Variants in TJP1 observed in about 807,000 individuals in gnomAD.
The protein encoded by TJP1 is tight junction protein 1, also known as tight junction protein ZO-1.
A neutral mutation model predicts 194.2 loss-of-function variants in TJP1; 43 were observed. The observed-to-expected ratio is 0.22, with a 90% confidence interval of 0.17 to 0.29. The LOEUF (loss-of-function observed/expected upper bound fraction) is 0.29. TJP1 is among the 10% of genes least tolerant of loss of function. The pLI, the probability that TJP1 is intolerant of heterozygous loss-of-function variation, is 1.00. For synonymous variants in TJP1, 801 were observed against 779.0 expected (o/e 1.03, Z -0.47); for missense variants, 1,971 against 2,185.7 (o/e 0.90, Z 1.96).
intron 1 of TJP1, chr15:29,820,669 T>C: frequency 1.5e-6 from 1 of 652,818 alleles, no homozygotes; most frequent in Non-Finnish European, 2.8e-6. Context: ...AACAAAGCCT[T>C]TCCTCCTAGG....
chr15:29,933,907 C>T (rs1412338292), intron 2 of TJP1, among the ~76,000 whole-genome samples: 1 of 152,076 alleles, frequency 6.6e-6, no homozygotes, highest in African/African-American at 2.4e-5. Context: ...CTGAAGAGGA[C>T]AGGAGAAACC....
chr15:29,725,528 C>T lies in TJP1; in HGVS notation c.2412+851G>A, dbSNP rs540606877. 1.9e-4 allele frequency among the ~76,000 whole-genome samples: 29 copies of T among 152,124 alleles called. No individual in the cohort carries two copies. The South Asian group carries it at 5.8e-3, about 31-fold the overall frequency. On this transcript the variant is annotated intron_variant, in intron 18 of 27. Transcript: ENST00000614355. ...AAAACCAGAGATACTCTCAATCTTCCCTAATAACCAAAACTTACTGCACTG... is the reference window on the plus strand; with the variant it reads ...AAAACCAGAGATACTCTCAATCTTCTCTAATAACCAAAACTTACTGCACTG...
At chr15:29,949,604 T>TTCACCACCA (rs2055523419) in intron 2 of TJP1, among the ~76,000 whole-genome samples, 1 of 29,696 alleles carries the variant, frequency 3.4e-5, no homozygotes, top group Non-Finnish European at 7.1e-5. Flanking sequence ...AACCACCACC[T>TTCACCACCA]CCACCTTCAC....
intron 1 of TJP1, among the ~76,000 whole-genome samples, chr15:29,963,887 T>G (rs1295399872): frequency 6.6e-6 from 1 of 152,128 alleles, no homozygotes; most frequent in East Asian, 1.9e-4. Context: ...CTCTTGACCT[T>G]GTAATCTGCC....
intron 8 of TJP1, among the ~76,000 whole-genome samples, chr15:29,747,706 A>G (rs1370503219): frequency 1.3e-5 from 2 of 152,208 alleles, no homozygotes; most frequent in East Asian, 1.9e-4. Flanking sequence ...AATGTGATTA[A>G]CAGACATTAC....
At chr15:29,764,666 T>C (rs1016972954) in intron 5 of TJP1, among the ~76,000 whole-genome samples, 1 of 152,182 alleles carries the variant, frequency 6.6e-6, no homozygotes, top group East Asian at 1.9e-4. Flanking sequence ...GTAACTACCA[T>C]GTCATCTGGG....
At chr15:29,705,403 C>G (rs933879866) in intron 26 of TJP1, 125 bp downstream of exon 26, 5 of 1,027,944 alleles carry the variant, frequency 4.9e-6, no homozygotes, top group African/African-American at 1.6e-5. Context: ...CAGGGCACCC[C>G]TCGCTACAGC....
rs551416494 is a variant in TJP1, at chr15:29,786,828, A to G, written c.85-13471T>C. On this transcript the variant is annotated intron_variant, in intron 2 of 27. Transcript: ENST00000614355. The stretch of plus-strand genomic sequence containing the variant: ...ATTTAAAAACTGTAAATTAAACGTG[A>G]CATATAAATGGAAAGAGCACTGTAT... 3.9e-5 allele frequency among the ~76,000 whole-genome samples: 6 copies of G among 152,284 alleles called. No homozygotes were observed. In the South Asian group the frequency reaches 1.0e-3, roughly 26 times the overall value.
At chr15:29,902,262 T>G (rs1211324409) in intron 2 of TJP1, among the ~76,000 whole-genome samples, 1 of 152,080 alleles carries the variant, frequency 6.6e-6, no homozygotes, top group African/African-American at 2.4e-5. Context: ...ATTCTCTTCC[T>G]CTTGGTGGTG....
intron 5 of TJP1, among the ~76,000 whole-genome samples, chr15:29,763,078 T>C (rs2046109696): frequency 6.6e-6 from 1 of 152,196 alleles, no homozygotes. Flanking sequence ...CTCAGAGTAC[T>C]AGCATGTACT....
At chr15:29,916,849 C>T (rs2054202948) in intron 2 of TJP1, among the ~76,000 whole-genome samples, 1 of 152,016 alleles carries the variant, frequency 6.6e-6, no homozygotes, top group Non-Finnish European at 1.5e-5. Context: ...TAGGATAAAC[C>T]ACTACAAAAC....
In TJP1 at chr15:29,742,669, T is replaced by G. The variant is rs751904703; in HGVS notation, c.1123A>C (p.Asn375His). ...KTVEEVTVER[N>H]EKQTPSLPEP... ...GGAAGAGAAGGTGTTTGTTTCTCAT[T>G]TCTTTCAACTGTAACTTCTTCCACT... The change falls in exon 9 of 28, where the codon AAT (asparagine) becomes CAT (histidine). Residue 375 changes from asparagine (N) to histidine (H), a missense_variant. Asn to His is a moderately conservative substitution (Grantham distance 68). Transcript: ENST00000614355. The G allele has an allele frequency of 8.2e-6, 13 of 1,586,684 alleles. No individual in the cohort carries two copies. Among genetic ancestry groups the G allele is most frequent in the Non-Finnish European group, 1.1e-5 (13 of 1,168,590 alleles).
At chr15:29,932,256 T>C (rs1273574669) in intron 2 of TJP1, among the ~76,000 whole-genome samples, 1 of 152,144 alleles carries the variant, frequency 6.6e-6, no homozygotes, top group Non-Finnish European at 1.5e-5. Context: ...TATACAATTA[T>C]AGTAACTAAG....
At chr15:29,738,639 TGGTATCCTAGCCA>T (rs1185359418) in intron 10 of TJP1, among the ~76,000 whole-genome samples, 2 of 152,034 alleles carry the variant, frequency 1.3e-5, no homozygotes, top group African/African-American at 4.8e-5. Flanking sequence ...TTGGTTGTAG[TGGTATCCTAGCCA>T]GGTCAAAAGC....
intron 2 of TJP1, among the ~76,000 whole-genome samples, chr15:29,922,272 T>C (rs1307296004): frequency 1.3e-5 from 2 of 152,154 alleles, no homozygotes; most frequent in African/African-American, 2.4e-5. Context: ...TGCTTGAGTC[T>C]AGGAGTTTGA....
chr15:29,896,737 G>C (rs11637475), intron 2 of TJP1, among the ~76,000 whole-genome samples: 50,585 of 152,054 alleles, frequency 0.33, 8,904 homozygotes, highest in African/African-American at 0.45. Flanking sequence ...AACTTGTTGG[G>C]AACTGGAGCA....
Position 29,719,899 on chromosome 15 carries a change from G to C in TJP1, c.2881C>G (p.Pro961Ala). Residue 961 changes from proline to alanine, a missense_variant, in exon 20 of 28, where the codon CCA (proline) becomes GCA (alanine). Transcript: ENST00000614355. ...LTNVRLEEPT[P>A]APSTSYSPQA... ...GGTGAGTAAGAGGTGGAAGGAGCTG[G>C]GGTGGGCTCCTCCAGTCTGACATTA... The C allele has an allele frequency of 6.2e-7, 1 of 1,614,068 alleles. No homozygotes were observed. The highest frequency in any genetic ancestry group is 1.1e-5 in the South Asian group (1 of 91,068).
chr15:29,718,905 T>C lies in TJP1; in HGVS notation c.3237A>G (p.Arg1079=). The part of the protein sequence containing the change: ...QFSRNYEHRL[R]YEDRVPMYEE... ...CATACATGGGGACGCGATCTTCGTA[T>C]CGCAGACGATGTTCATAGTTTCGAG... Residue 1079 remains arginine (R), a synonymous_variant, in exon 21 of 28, where the codon CGA becomes CGG. Transcript: ENST00000614355. 1 of 1,614,226 alleles carries C rather than the reference T, an allele frequency of 6.2e-7. No individual in the cohort carries two copies. The highest frequency in any genetic ancestry group is 1.1e-5 in the South Asian group (1 of 91,084).
At chr15:29,848,984 TATA>T (rs767057535) in intron 2 of TJP1, among the ~76,000 whole-genome samples, 3 of 152,096 alleles carry the variant, frequency 2.0e-5, no homozygotes, top group Admixed American at 6.6e-5. Context: ...AAATAGAATA[TATA>T]ATAACTTGCT....
Sources: allele counts gnomAD v4.1 joint callset (sites outside exome capture counted in the v4.1 genomes callset), GRCh38; gene constraint gnomAD v4.1.1; transcripts MANE v1.5; gene names NCBI Gene and HGNC (gene_info 2026-07-23, HGNC 2026-07-21).